PLXDC2: variants seen among roughly 807,000 people sequenced by gnomAD.
PLXDC2 encodes the protein plexin domain containing 2, also known as plexin domain-containing protein 2.
In PLXDC2, 40 loss-of-function variants were observed where a neutral mutation model predicts 68.9. The ratio of observed to expected loss-of-function variants is 0.58; its 90% CI spans 0.45 to 0.76. The LOEUF is 0.76. Among genes scored for constraint, PLXDC2 ranks in the 30% least tolerant of loss-of-function variants. PLXDC2 has a pLI of 0.00. For synonymous variants in PLXDC2, 243 were observed against 234.2 expected, an observed-to-expected ratio of 1.04 and a Z score of -0.34; for missense variants, 644 against 661.9, an observed-to-expected ratio of 0.97 and a Z score of 0.30.
chr10:19,857,093 G>A (rs1394266345), intron 1 of PLXDC2, among the ~76,000 whole-genome samples: 2 of 152,122 alleles, frequency 1.3e-5, no homozygotes, highest in African/African-American at 2.4e-5. Context: ...TTCACAAGAA[G>A]CAACAAGTTA....
chr10:20,246,856 T>A (rs1041145240), intron 13 of PLXDC2, among the ~76,000 whole-genome samples: 11 of 152,252 alleles, frequency 7.2e-5, no homozygotes, highest in Non-Finnish European at 1.3e-4. Context: ...TTTTTTTTAA[T>A]GACTTTTAAA....
intron 1 of PLXDC2, among the ~76,000 whole-genome samples, chr10:19,970,462 T>A (rs1834331272): frequency 6.6e-6 from 1 of 152,220 alleles, no homozygotes; most frequent in African/African-American, 2.4e-5. Context: ...AACTGTCATG[T>A]GAACTTAAGC....
chr10:20,270,372 C>T (rs762690471), intron 13 of PLXDC2, among the ~76,000 whole-genome samples: 6 of 152,110 alleles, frequency 3.9e-5, no homozygotes, highest in Admixed American at 1.3e-4. Context: ...CCCTGTTTTA[C>T]GGTTAGGATG....
At chr10:19,860,715 T>C (rs1189285938) in intron 1 of PLXDC2, among the ~76,000 whole-genome samples, 1 of 152,180 alleles carries the variant, frequency 6.6e-6, no homozygotes, top group African/African-American at 2.4e-5. Context: ...TAAATATGTG[T>C]TGAATGTACT....
chr10:19,873,065 G>A (rs1296895235), intron 1 of PLXDC2, among the ~76,000 whole-genome samples: 1 of 152,178 alleles, frequency 6.6e-6, no homozygotes, highest in South Asian at 2.1e-4. Context: ...GGTCGGTACA[G>A]GTTCAAAACA....
chr10:20,199,801 A>C (rs1834892297), intron 9 of PLXDC2, among the ~76,000 whole-genome samples: 1 of 151,970 alleles, frequency 6.6e-6, no homozygotes, highest in East Asian at 1.9e-4. Flanking sequence ...GTGACTACTC[A>C]AGGAAAAAAT....
intron 4 of PLXDC2, among the ~76,000 whole-genome samples, chr10:20,089,342 G>T (rs1589624011): frequency 6.6e-6 from 1 of 152,116 alleles, no homozygotes; most frequent in South Asian, 2.1e-4. Context: ...AAGCAAGAGT[G>T]GGCTTGTGGT....
intron 13 of PLXDC2, among the ~76,000 whole-genome samples, chr10:20,257,678 G>T (rs1588547519): frequency 6.6e-6 from 1 of 152,150 alleles, no homozygotes; most frequent in Non-Finnish European, 1.5e-5. Context: ...ACATAACAAT[G>T]ATTTAAAATG....
chr10:20,132,527 C>A (rs1488583681), intron 4 of PLXDC2, among the ~76,000 whole-genome samples: 1 of 151,958 alleles, frequency 6.6e-6, no homozygotes, highest in East Asian at 1.9e-4. Flanking sequence ...TATTTATGTT[C>A]TTAATATTGA....
chr10:20,238,668 T>TATATGTATATATATATATACACACACAC lies in PLXDC2; in HGVS notation c.1313-6673_1313-6672insGTATATATATATATACACACACACATAT, dbSNP rs1554777535. ...AAGACTCCATCTCAAAAAAAATATA[T>TATATGTATATATATATATACACACACAC]ATATATATGTATATATATATATATA... is the stretch of plus-strand genomic sequence containing the variant. On this transcript the variant is annotated intron_variant, in intron 12 of 13. Coordinates refer to ENST00000377252, the MANE Select transcript of PLXDC2 (RefSeq NM_032812.9). 5.2e-5 allele frequency among the ~76,000 whole-genome samples: 5 copies of TATATGTATATATATATATACACACACAC among 96,770 alleles called. 1 individual carries two copies. The highest frequency in any genetic ancestry group is 2.2e-4 in the African/African-American group (5 of 22,494). 63.5% of individuals were successfully genotyped at this position (96,770 alleles called of 152,430 possible).
chr10:20,249,287 A>G (rs1335064248), intron 13 of PLXDC2, among the ~76,000 whole-genome samples: 1 of 152,130 alleles, frequency 6.6e-6, no homozygotes, highest in East Asian at 1.9e-4. Flanking sequence ...GTCAAAAAGG[A>G]CCTCTTTTCA....
At chr10:19,843,688 G>A (rs1054097330) in intron 1 of PLXDC2, among the ~76,000 whole-genome samples, 1 of 152,140 alleles carries the variant, frequency 6.6e-6, no homozygotes, top group African/African-American at 2.4e-5. Context: ...GATCCCACAT[G>A]TTTCTCATTC....
chr10:20,067,454 G>A (rs1201658871), intron 3 of PLXDC2, among the ~76,000 whole-genome samples: 1 of 152,154 alleles, frequency 6.6e-6, no homozygotes, highest in East Asian at 1.9e-4. Flanking sequence ...GGGAGGCTGA[G>A]GCAGGTGGAT....
chr10:19,831,880 A>G (rs1166804168), intron 1 of PLXDC2, among the ~76,000 whole-genome samples: 1 of 152,128 alleles, frequency 6.6e-6, no homozygotes, highest in African/African-American at 2.4e-5. Context: ...TAGTACTGCA[A>G]TGCATGTCTG....
intron 4 of PLXDC2, among the ~76,000 whole-genome samples, chr10:20,106,106 A>T (rs1833487739): frequency 6.6e-6 from 1 of 152,226 alleles, no homozygotes; most frequent in Non-Finnish European, 1.5e-5. Context: ...GAATTGGATG[A>T]TCATGGCCTT....
intron 1 of PLXDC2, among the ~76,000 whole-genome samples, chr10:19,889,312 G>A (rs966732886): frequency 4.0e-5 from 6 of 151,786 alleles, no homozygotes; most frequent in Non-Finnish European, 7.4e-5. Flanking sequence ...TGTCACTCCT[G>A]CTATTAATCA....
intron 3 of PLXDC2, among the ~76,000 whole-genome samples, chr10:20,058,414 CT>C (rs1673240222): frequency 6.6e-6 from 1 of 152,116 alleles, no homozygotes; most frequent in African/African-American, 2.4e-5. Flanking sequence ...ATTATTTACT[CT>C]TTCTTAATTA....
intron 13 of PLXDC2, among the ~76,000 whole-genome samples, chr10:20,261,289 C>T (rs555786583): frequency 2.8e-4 from 43 of 152,026 alleles, no homozygotes; most frequent in Non-Finnish European, 5.3e-4. Context: ...GAACTTTTTC[C>T]CTATATTTAC....
intron 2 of PLXDC2, among the ~76,000 whole-genome samples, chr10:20,024,780 C>G (rs1200611764): frequency 1.3e-5 from 2 of 151,928 alleles, no homozygotes; most frequent in African/African-American, 4.8e-5. Context: ...CTATGAATAC[C>G]CATCGTTCAG....
Sources: allele counts gnomAD v4.1 joint callset (sites outside exome capture counted in the v4.1 genomes callset), GRCh38; gene constraint gnomAD v4.1.1; transcripts MANE v1.5; gene names NCBI Gene and HGNC (gene_info 2026-07-23, HGNC 2026-07-21).